ZDBF2: variants seen among roughly 807,000 people sequenced by gnomAD.
ZDBF2 encodes the protein zinc finger DBF-type containing 2.
ZDBF2 carries 6 observed loss-of-function variants against 9.4 expected under a neutral mutation model. The ratio of observed to expected loss-of-function variants is 0.64; its 90% confidence interval spans 0.35 to 1.27. The LOEUF (loss-of-function observed/expected upper bound fraction) is 1.27. ZDBF2 is among the 50% of genes most tolerant of loss of function. The probability of loss-of-function intolerance (pLI) is 0.03; values close to 1 mark genes in which losing one functional copy is unlikely to be tolerated. For missense variants in ZDBF2, 2,697 were observed against 2,766.8 expected, an observed-to-expected ratio of 0.97 and a Z score of 0.57; for synonymous variants, 905 against 946.3, an observed-to-expected ratio of 0.96 and a Z score of 0.80.
rs779348152 is a variant in ZDBF2, at chr2:206,306,516, C to G, written c.1988C>G (p.Ser663Cys). The change falls in exon 5 of 5, where the codon TCC (serine) becomes TGC (cysteine). Residue 663 changes from serine to cysteine, a missense_variant. Physicochemically the swap from Ser to Cys is moderately radical, Grantham distance 112. Transcript: ENST00000374423. ...GACCTTATGGATATGAACTGTGAAT[C>G]CCATGGTCCTGAAATGGGTTTTCAG... is the stretch of plus-strand genomic sequence containing the variant. ...NADLMDMNCE[S>C]HGPEMGFQAD... 1.9e-6 allele frequency: 3 copies of G among 1,613,746 alleles called. No individual in the cohort carries two copies. Among genetic ancestry groups the G allele is most frequent in the Non-Finnish European group, 2.5e-6 (3 of 1,179,780 alleles).
At position 206,305,415 on chromosome 2, in the gene ZDBF2, G is replaced by A; in HGVS notation, c.887G>A (p.Gly296Asp). 1 of 1,613,432 alleles carries A rather than the reference G, an allele frequency of 6.2e-7. No individual in the cohort carries two copies. The highest frequency in any genetic ancestry group is 1.1e-5 in the South Asian group (1 of 90,986). ...LKFHERMGTK[G>D]SLRVKSPSKL... ...TTCCATGAACGCATGGGTACTAAGGGCTCCTTAAGAGTTAAATCTCCTTCC... is the reference window on the plus strand; with the variant it reads ...TTCCATGAACGCATGGGTACTAAGGACTCCTTAAGAGTTAAATCTCCTTCC... The change falls in exon 5 of 5, where the codon GGC (glycine) becomes GAC (aspartate). Residue 296 changes from glycine to aspartate, a missense_variant. Transcript: ENST00000374423.
Position 206,307,361 on chromosome 2 carries a change from C to T in ZDBF2, c.2833C>T (p.His945Tyr), listed in dbSNP as rs754064138. 13 of 1,613,100 alleles carry T rather than the reference C, an allele frequency of 8.1e-6. No individual in the cohort carries two copies. The highest frequency in any genetic ancestry group is 1.7e-5 in the Admixed American group (1 of 59,860). The change falls in exon 5 of 5, where the codon CAC (histidine) becomes TAC (tyrosine). Residue 945 changes from histidine (H) to tyrosine (Y), a missense_variant. Physicochemically the swap from His to Tyr is moderately conservative, Grantham distance 83 (BLOSUM62 2). Transcript: ENST00000374423. ...IKEISLHTKE[H>Y]MYLENKSVFE... ...AGAAATAAGCCTTCACACAAAAGAG[C>T]ACATGTACTTAGAAAATAAGAGTGT...
intron 3 of ZDBF2, among the ~76,000 whole-genome samples, chr2:206,282,849 G>A (rs181896766): frequency 9.2e-5 from 14 of 152,216 alleles, no homozygotes; most frequent in East Asian, 1.9e-4. Flanking sequence ...AACCCTGTAC[G>A]CACTGAGCAG....
Position 206,297,550 on chromosome 2 carries a change from A to T in ZDBF2, c.188+177A>T, listed in dbSNP as rs558222136. 2.0e-5 allele frequency among the ~76,000 whole-genome samples: 3 copies of T among 152,358 alleles called. No individual in the cohort carries two copies. The East Asian group carries it at 5.8e-4, about 29-fold the overall frequency. On this transcript the variant is annotated intron_variant, in intron 4 of 4. Coordinates refer to ENST00000374423, the MANE Select transcript of ZDBF2 (RefSeq NM_020923.3). ...CTTAGCTGAAGTAAGAAATTTCACT[A>T]CAGAAGATATGGACTACACTATGTT... is the stretch of plus-strand genomic sequence containing the variant.
rs1052695960 is a variant in ZDBF2 at position 206,314,410 on chromosome 2, A to G, written c.*2817A>G. 4 of 152,172 alleles carry G rather than the reference A, an allele frequency of 2.6e-5. No homozygotes were observed. Among genetic ancestry groups the G allele is most frequent in the Admixed American group, 6.5e-5 (1 of 15,280 alleles). The allele number at this position is 152,172 out of a possible 1,614,324, so 9.4% of individuals were successfully genotyped here. A position where few individuals can be genotyped will look rare whatever the true frequency, so the allele number is the denominator to read the frequency against. On this transcript the variant is annotated 3_prime_UTR_variant, in exon 5 of 5. Transcript: ENST00000374423. Reference sequence around the variant, plus strand: ...TTGTTTTTGATGTTATCAAGATAAAATTTATTAAACCTTGAAATTTGTCTG... The same window carrying G: ...TTGTTTTTGATGTTATCAAGATAAAGTTTATTAAACCTTGAAATTTGTCTG...
intron 3 of ZDBF2, among the ~76,000 whole-genome samples, chr2:206,283,194 T>A (rs532456204): frequency 6.6e-6 from 1 of 152,386 alleles, no homozygotes; most frequent in Non-Finnish European, 1.5e-5. Flanking sequence ...CAAGTTTTTG[T>A]GTGGACGTAT....
rs1325540752 is a variant in ZDBF2 at position 206,312,162 on chromosome 2, A to G, written c.*569A>G. 6.6e-6 allele frequency: 1 copy of G among 152,092 alleles called. No individual in the cohort carries two copies. The highest frequency in any genetic ancestry group is 2.4e-5 in the African/African-American group (1 of 41,408). 9.4% of individuals were successfully genotyped at this position (152,092 alleles called of 1,614,324 possible). ...CTGCTTCATTTAAATTGGATCTGCA[A>G]GTCTCTAACTTTTATCATTTGGACA... On this transcript the variant is annotated 3_prime_UTR_variant, in exon 5 of 5. Coordinates refer to ENST00000374423, the MANE Select transcript of ZDBF2 (RefSeq NM_020923.3).
At chr2:206,284,715 A>G (rs1691510066) in intron 3 of ZDBF2, among the ~76,000 whole-genome samples, 1 of 152,096 alleles carries the variant, frequency 6.6e-6, no homozygotes, top group Non-Finnish European at 1.5e-5. Context: ...TCTACTGTGT[A>G]TATATACCAC....
rs141439557 is a variant in ZDBF2 at position 206,305,766 on chromosome 2, C to G, written c.1238C>G (p.Ser413Cys). 3.3e-5 allele frequency: 53 copies of G among 1,613,666 alleles called. No individual in the cohort carries two copies. In the African/African-American group the frequency reaches 6.8e-4, roughly 21 times the overall value. The change falls in exon 5 of 5, where the codon TCT (serine) becomes TGT (cysteine). Residue 413 changes from serine (S) to cysteine (C), a missense_variant. Transcript: ENST00000374423. The part of the protein sequence containing the change: ...GSEMSFDCSS[S>C]FHSLTDQSKV... Reference sequence around the variant, plus strand: ...GAAATGAGTTTTGATTGCAGTTCCTCTTTTCATTCACTGACTGACCAATCT... The same window carrying G: ...GAAATGAGTTTTGATTGCAGTTCCTGTTTTCATTCACTGACTGACCAATCT...
chr2:206,305,845 G>C lies in ZDBF2; in HGVS notation c.1317G>C (p.Gln439His). ...CCAAGGAAGTACGTACTGATGTACAGTATAAGAATAATAAATCTTATGTTT... is the reference window on the plus strand; with the variant it reads ...CCAAGGAAGTACGTACTGATGTACACTATAAGAATAATAAATCTTATGTTT... ...NLSKEVRTDV[Q>H]YKNNKSYVSK... is the part of the protein sequence containing the mutation. Residue 439 changes from glutamine to histidine, a missense_variant, in exon 5 of 5, where the codon CAG (glutamine) becomes CAC (histidine). Gln to His is a conservative substitution (Grantham distance 24). Coordinates refer to ENST00000374423, the MANE Select transcript of ZDBF2 (RefSeq NM_020923.3). 6.2e-7 allele frequency: 1 copy of C among 1,613,212 alleles called. No individual in the cohort carries two copies. Among genetic ancestry groups the C allele is most frequent in the South Asian group, 1.1e-5 (1 of 91,004 alleles).
chr2:206,282,898 C>T (rs574426330), intron 3 of ZDBF2, among the ~76,000 whole-genome samples: 121 of 152,288 alleles, frequency 7.9e-4, no homozygotes, highest in Non-Finnish European at 8.8e-4. Flanking sequence ...CCCTGGCAAC[C>T]GCTAGTGTAT....
At chr2:206,302,681 A>G (rs1201013899) in intron 4 of ZDBF2, among the ~76,000 whole-genome samples, 1 of 152,218 alleles carries the variant, frequency 6.6e-6, no homozygotes, top group East Asian at 1.9e-4. Flanking sequence ...GTTGAGAAGT[A>G]TGAAAAATTA....
intron 3 of ZDBF2, among the ~76,000 whole-genome samples, chr2:206,293,644 A>G (rs1458320661): frequency 1.3e-5 from 2 of 152,222 alleles, no homozygotes; most frequent in Non-Finnish European, 2.9e-5. Context: ...GTAAAAGAGG[A>G]TATCCAGATG....
chr2:206,290,285 T>G (rs1375663710), intron 3 of ZDBF2, among the ~76,000 whole-genome samples: 2 of 152,232 alleles, frequency 1.3e-5, no homozygotes, highest in African/African-American at 4.8e-5. Context: ...TCAGGACATT[T>G]GAGTCCTCCA....
chr2:206,310,889 G>A lies in ZDBF2; in HGVS notation c.6361G>A (p.Gly2121Arg), dbSNP rs1191222795. The change falls in exon 5 of 5, where the codon GGA becomes AGA. Residue 2121 changes from glycine to arginine, a missense_variant. Transcript: ENST00000374423. ...PARYGFNSHQ[G>R]TSDSSLFLEE... ...AAGATATGGATTTAATTCACATCAG[G>A]GAACCAGTGACTCTTCTCTGTTTCT... 1.9e-6 allele frequency: 3 copies of A among 1,613,844 alleles called. No homozygotes were observed. The highest frequency in any genetic ancestry group is 1.1e-5 in the South Asian group (1 of 91,052).
intron 3 of ZDBF2, among the ~76,000 whole-genome samples, chr2:206,293,651 G>A (rs1692015271): frequency 6.6e-6 from 1 of 152,164 alleles, no homozygotes; most frequent in Non-Finnish European, 1.5e-5. Flanking sequence ...AGGATATCCA[G>A]ATGGCTAGTA....
At chr2:206,296,747 C>T (rs1353141639) in intron 3 of ZDBF2, among the ~76,000 whole-genome samples, 1 of 152,106 alleles carries the variant, frequency 6.6e-6, no homozygotes, top group Non-Finnish European at 1.5e-5. Flanking sequence ...TGCTCGGCCA[C>T]ACCACACTCA....
chr2:206,308,284 A>C lies in ZDBF2; in HGVS notation c.3756A>C (p.Pro1252=). The C allele has an allele frequency of 6.2e-7, 1 of 1,613,924 alleles. No homozygotes were observed. The highest frequency in any genetic ancestry group is 1.3e-5 in the African/African-American group (1 of 75,082). ...EIMYDSDVLQ[P]VAGQPEEVVK... ...TGTATGATTCTGATGTTCTTCAGCCAGTGGCTGGCCAACCTGAAGAAGTAG... is the reference window on the plus strand; with the variant it reads ...TGTATGATTCTGATGTTCTTCAGCCCGTGGCTGGCCAACCTGAAGAAGTAG... The change falls in exon 5 of 5, where the codon CCA becomes CCC. Residue 1252 remains proline, a synonymous_variant. Transcript: ENST00000374423.
At chr2:206,293,662 A>C (rs1212989183) in intron 3 of ZDBF2, among the ~76,000 whole-genome samples, 1 of 152,206 alleles carries the variant, frequency 6.6e-6, no homozygotes, top group Non-Finnish European at 1.5e-5. Context: ...ATGGCTAGTA[A>C]ATATGAAAAG....
Sources: allele counts gnomAD v4.1 joint callset (sites outside exome capture counted in the v4.1 genomes callset), GRCh38; gene constraint gnomAD v4.1.1; transcripts MANE v1.5; gene names NCBI Gene and HGNC (gene_info 2026-07-23, HGNC 2026-07-21).